DKK2: variants seen among roughly 807,000 people sequenced by gnomAD.
DKK2 encodes the protein dickkopf Wnt signaling pathway inhibitor 2.
A neutral mutation model predicts 28.1 loss-of-function variants in DKK2; 11 were observed. The ratio of observed to expected loss-of-function variants is 0.39; its 90% CI spans 0.25 to 0.65. DKK2 has a LOEUF of 0.65. Among genes scored for constraint, DKK2 ranks in the 30% least tolerant of loss-of-function variants. The pLI is 0.47. For synonymous variants in DKK2, 135 were observed against 126.5 expected (o/e 1.07, Z -0.45); for missense variants, 326 against 335.5 (o/e 0.97, Z 0.22).
intron 1 of DKK2, among the ~76,000 whole-genome samples, chr4:106,947,089 G>A (rs1017442221): frequency 6.6e-6 from 1 of 152,098 alleles, no homozygotes; most frequent in African/African-American, 2.4e-5. Flanking sequence ...CTGACAAAGT[G>A]TTTACTTTCA....
intron 1 of DKK2, among the ~76,000 whole-genome samples, chr4:106,999,894 T>A (rs1723335291): frequency 6.6e-6 from 1 of 152,136 alleles, no homozygotes; most frequent in Non-Finnish European, 1.5e-5. Flanking sequence ...CAAATAACTA[T>A]GGTAGAAATA....
At chr4:106,993,801 C>G (rs1318539065) in intron 1 of DKK2, among the ~76,000 whole-genome samples, 1 of 152,096 alleles carries the variant, frequency 6.6e-6, no homozygotes, top group Non-Finnish European at 1.5e-5. Context: ...GTTCACCATC[C>G]AGTGGTCGGA....
intron 1 of DKK2, among the ~76,000 whole-genome samples, chr4:106,959,022 T>C (rs750507547): frequency 3.3e-5 from 5 of 151,486 alleles, no homozygotes; most frequent in Non-Finnish European, 5.9e-5. Flanking sequence ...AAGGTTAATA[T>C]ATGAATATAA....
intron 1 of DKK2, among the ~76,000 whole-genome samples, chr4:107,018,374 G>A (rs527319132): frequency 2.6e-5 from 4 of 152,146 alleles, no homozygotes; most frequent in Non-Finnish European, 4.4e-5. Flanking sequence ...TGCTGAAGAT[G>A]GGTTTGAAGG....
In DKK2 at chr4:106,947,101, TC is replaced by T. The variant is rs1724788735; in HGVS notation, c.223-21153del. ...GTGCTGACAAAGTGTTTACTTTCAATCCGTCTTTTCAGGGACCACACAGGAA... is the reference window on the plus strand; with the variant it reads ...GTGCTGACAAAGTGTTTACTTTCAATCGTCTTTTCAGGGACCACACAGGAA... On this transcript the variant is annotated intron_variant, in intron 1 of 3. Transcript: ENST00000285311. Among the ~76,000 whole-genome samples, 12 of 152,242 alleles carry T rather than the reference TC, an allele frequency of 7.9e-5. No individual in the cohort carries two copies. The South Asian group carries it at 2.5e-3, about 32-fold the overall frequency.
At position 107,028,496 on chromosome 4, in the gene DKK2, A is replaced by G. The variant is rs147999845; in HGVS notation, c.222+6874T>C. On this transcript the variant is annotated intron_variant, in intron 1 of 3. Coordinates refer to ENST00000285311, the MANE Select transcript of DKK2 (RefSeq NM_014421.3). Reference sequence around the variant, plus strand: ...TCTCATGTGATCCTCACCATTGCCCAGTAAGTTAAGTATTATTACTCTTAC... The same window carrying G: ...TCTCATGTGATCCTCACCATTGCCCGGTAAGTTAAGTATTATTACTCTTAC... 5.2e-3 allele frequency among the ~76,000 whole-genome samples: 788 copies of G among 152,242 alleles called. 6 individuals carry two copies. Among genetic ancestry groups the G allele is most frequent in the African/African-American group, 0.018 (754 of 41,516 alleles).
intron 1 of DKK2, among the ~76,000 whole-genome samples, chr4:106,979,904 AT>A (rs1176997858): frequency 2.0e-5 from 3 of 152,208 alleles, no homozygotes; most frequent in African/African-American, 7.2e-5. Context: ...GGTCAAATAG[AT>A]TCATAAGGGG....
chr4:106,959,949 TA>T (rs1722660926), intron 1 of DKK2, among the ~76,000 whole-genome samples: 1 of 152,024 alleles, frequency 6.6e-6, no homozygotes, highest in African/African-American at 2.4e-5. Flanking sequence ...GCTAACTGTA[TA>T]AAACTAGTTA....
Position 107,019,133 on chromosome 4 carries a change from C to T in DKK2, c.222+16237G>A, listed in dbSNP as rs187496760. 1.4e-4 allele frequency among the ~76,000 whole-genome samples: 22 copies of T among 151,970 alleles called. No individual in the cohort carries two copies. The East Asian group carries it at 1.6e-3, about 11-fold the overall frequency. ...ACAACGTTTCCAGAGTTTACGGGCA[C>T]GGCTGTATAGAGATGTTAACCTCCT... On this transcript the variant is annotated intron_variant, in intron 1 of 3. Transcript: ENST00000285311.
intron 1 of DKK2, among the ~76,000 whole-genome samples, chr4:106,966,697 G>A (rs1722785642): frequency 6.6e-6 from 1 of 152,122 alleles, no homozygotes; most frequent in Non-Finnish European, 1.5e-5. Flanking sequence ...TAATAATAAA[G>A]TAAAAGAAAG....
At chr4:106,974,160 G>T (rs1014187638) in intron 1 of DKK2, among the ~76,000 whole-genome samples, 3 of 152,090 alleles carry the variant, frequency 2.0e-5, no homozygotes, top group African/African-American at 7.2e-5. Context: ...GGTATAGTCT[G>T]AAGTCAGGTA....
At chr4:106,970,150 T>G (rs1722850067) in intron 1 of DKK2, among the ~76,000 whole-genome samples, 1 of 152,142 alleles carries the variant, frequency 6.6e-6, no homozygotes, top group Admixed American at 6.6e-5. Context: ...GTTTTTACAT[T>G]TATAAAATAG....
At chr4:106,950,694 A>G (rs371828021) in intron 1 of DKK2, among the ~76,000 whole-genome samples, 2 of 152,274 alleles carry the variant, frequency 1.3e-5, no homozygotes, top group East Asian at 1.9e-4. Context: ...TTAGTCCCCA[A>G]AGATTCTTAC....
intron 1 of DKK2, among the ~76,000 whole-genome samples, chr4:107,032,669 C>G (rs1723892310): frequency 2.0e-5 from 3 of 152,074 alleles, no homozygotes; most frequent in Admixed American, 2.0e-4. Flanking sequence ...AGAGCTTCTT[C>G]CTCCTGTATC....
chr4:106,979,603 A>G (rs1722997043), intron 1 of DKK2, among the ~76,000 whole-genome samples: 1 of 152,206 alleles, frequency 6.6e-6, no homozygotes, highest in Non-Finnish European at 1.5e-5. Context: ...AGGCTACTCC[A>G]TGGTAAATTA....
At chr4:106,960,252 C>T (rs1010310102) in intron 1 of DKK2, among the ~76,000 whole-genome samples, 19 of 150,818 alleles carry the variant, frequency 1.3e-4, no homozygotes, top group African/African-American at 2.2e-4. Flanking sequence ...TAAAAAAGAA[C>T]GAAATAATGT....
chr4:107,025,739 TCATTA>T (rs1359474621), intron 1 of DKK2, among the ~76,000 whole-genome samples: 1 of 152,198 alleles, frequency 6.6e-6, no homozygotes, highest in African/African-American at 2.4e-5. Context: ...CCACTTCCTT[TCATTA>T]ATTTTGTTTA....
intron 1 of DKK2, among the ~76,000 whole-genome samples, chr4:107,012,679 A>T (rs1443859096): frequency 6.6e-6 from 1 of 151,276 alleles, no homozygotes; most frequent in Non-Finnish European, 1.5e-5. Context: ...TAAAAGCTTT[A>T]ACTGCATTCT....
At chr4:107,020,479 G>A (rs2110373129) in intron 1 of DKK2, among the ~76,000 whole-genome samples, 2 of 152,090 alleles carry the variant, frequency 1.3e-5, no homozygotes, top group East Asian at 3.9e-4. Flanking sequence ...TTGAACAACT[G>A]CAAGAACATT....
Sources: gnomAD v4.1 joint callset for allele counts (sites outside exome capture counted in the v4.1 genomes callset) on GRCh38, gnomAD v4.1.1 for gene constraint, MANE v1.5 for transcripts, NCBI Gene and HGNC (gene_info 2026-07-23, HGNC 2026-07-21) for gene names.